Variants in SHISA6 observed in about 807,000 individuals in gnomAD.
SHISA6 encodes the protein protein shisa-6.
Under a neutral mutation model 47.9 loss-of-function variants are expected in SHISA6, and 22 were observed. The ratio of observed to expected loss-of-function variants is 0.46; its 90% CI spans 0.33 to 0.66. SHISA6 has a LOEUF of 0.66. Ranked by LOEUF, SHISA6 falls within the 30% of genes least tolerant of loss-of-function variation. SHISA6 has a pLI of 0.02. For synonymous variants in SHISA6, 388 were observed against 337.8 expected (o/e 1.15, Z -1.63); for missense variants, 680 against 764.6 (o/e 0.89, Z 1.30).
chr17:11,350,749 C>G (rs1334724532), intron 2 of SHISA6, among the ~76,000 whole-genome samples: 1 of 152,132 alleles, frequency 6.6e-6, no homozygotes, highest in African/African-American at 2.4e-5. Context: ...GCCATTCCCT[C>G]ACTCAAAATT....
At chr17:11,358,070 C>G (rs1459235134) in intron 2 of SHISA6, among the ~76,000 whole-genome samples, 3 of 152,150 alleles carry the variant, frequency 2.0e-5, no homozygotes, top group Non-Finnish European at 4.4e-5. Context: ...ACCATTTTAT[C>G]CATTTTTAAG....
intron 2 of SHISA6, among the ~76,000 whole-genome samples, chr17:11,311,298 A>AAAC (rs1555527563): frequency 0.21 from 27,323 of 132,946 alleles, 3,596 homozygotes; most frequent in African/African-American, 0.22. Context: ...AAAAAAAAAA[A>AAAC]AACCGACAAA....
chr17:11,364,683 C>T lies in SHISA6; in HGVS notation c.800-14731C>T, dbSNP rs190402596. ...AAATATTCTTGCACATGTCAATTGA[C>T]GGACATATATTCATTTCTCCTGGGT... On this transcript the variant is annotated intron_variant, in intron 2 of 5. Transcript: ENST00000441885. Among the ~76,000 whole-genome samples the T allele has an allele frequency of 1.4e-4, 21 of 152,232 alleles. 1 individual carries two copies. The highest frequency in any genetic ancestry group is 6.2e-4 in the South Asian group (3 of 4,820).
At chr17:11,281,933 T>C (rs1236329855) in intron 2 of SHISA6, among the ~76,000 whole-genome samples, 2 of 152,250 alleles carry the variant, frequency 1.3e-5, no homozygotes, top group Non-Finnish European at 2.9e-5. Context: ...TTCAGCTGGC[T>C]ATCTTGCGTT....
intron 2 of SHISA6, among the ~76,000 whole-genome samples, chr17:11,356,942 G>A (rs945170020): frequency 4.6e-5 from 7 of 152,044 alleles, no homozygotes; most frequent in African/African-American, 1.7e-4. Context: ...GAAGGCTGAG[G>A]CAGGCGGATC....
chr17:11,245,260 C>A (rs1907530662), intron 1 of SHISA6, among the ~76,000 whole-genome samples: 1 of 152,204 alleles, frequency 6.6e-6, no homozygotes, highest in Non-Finnish European at 1.5e-5. Context: ...GGCCAGAGAG[C>A]CCCAGGGCAG....
At chr17:11,369,056 A>G (rs1912543961) in intron 2 of SHISA6, among the ~76,000 whole-genome samples, 1 of 152,246 alleles carries the variant, frequency 6.6e-6, no homozygotes, top group African/African-American at 2.4e-5. Flanking sequence ...TGGTTCATCC[A>G]GAGCCACACA....
intron 2 of SHISA6, chr17:11,288,942 T>C (rs1396016199): frequency 6.6e-6 from 1 of 152,228 alleles, no homozygotes; most frequent in Non-Finnish European, 1.5e-5. Context: ...CTTTGTGTGG[T>C]TTATTTTTGC....
intron 3 of SHISA6, among the ~76,000 whole-genome samples, chr17:11,466,805 G>GCT (rs906853161): frequency 1.3e-5 from 2 of 152,170 alleles, no homozygotes; most frequent in Non-Finnish European, 2.9e-5. Context: ...CTCCCACGGG[G>GCT]ACCGTTCTCA....
At chr17:11,532,178 C>T (rs1398094237) in intron 3 of SHISA6, among the ~76,000 whole-genome samples, 1 of 152,124 alleles carries the variant, frequency 6.6e-6, no homozygotes, top group Non-Finnish European at 1.5e-5. Context: ...CAGCGCCAGC[C>T]GATGGCTCTG....
chr17:11,402,157 CT>C, intron 3 of SHISA6, among the ~76,000 whole-genome samples: 1 of 152,228 alleles, frequency 6.6e-6, no homozygotes, highest in Non-Finnish European at 1.5e-5. Flanking sequence ...AGCATGGCCC[CT>C]AGCTCCACCA....
intron 4 of SHISA6, among the ~76,000 whole-genome samples, chr17:11,553,860 A>G (rs2071951697): frequency 1.3e-5 from 2 of 152,192 alleles, no homozygotes; most frequent in South Asian, 4.1e-4. Flanking sequence ...AAGAACAGAT[A>G]TTGTCGTTGG....
At chr17:11,354,749 C>A (rs920622784) in intron 2 of SHISA6, among the ~76,000 whole-genome samples, 3 of 152,136 alleles carry the variant, frequency 2.0e-5, no homozygotes, top group African/African-American at 7.2e-5. Flanking sequence ...GTGCCTCCCC[C>A]ACCCCCTATC....
intron 3 of SHISA6, among the ~76,000 whole-genome samples, chr17:11,456,722 CGAA>C (rs1915548622): frequency 1.3e-5 from 2 of 152,162 alleles, no homozygotes; most frequent in African/African-American, 4.8e-5. Flanking sequence ...CCTCTGCACA[CGAA>C]GAACTGCAGG....
chr17:11,502,404 G>A (rs2071461609), intron 3 of SHISA6, among the ~76,000 whole-genome samples: 1 of 69,024 alleles, frequency 1.4e-5, no homozygotes, highest in Admixed American at 2.4e-4. Context: ...GCGAGACTCC[G>A]TCTCAAAAAA....
Position 11,241,439 on chromosome 17 carries a change from T to C in SHISA6, c.17T>C (p.Leu6Pro). The C allele has an allele frequency of 8.4e-7, 1 of 1,189,052 alleles. No homozygotes were observed. Among genetic ancestry groups the C allele is most frequent in the Non-Finnish European group, 1.1e-6 (1 of 944,356 alleles). The allele number at this position is 1,189,052 out of a possible 1,614,324, so 73.7% of individuals were successfully genotyped here. The change falls in exon 1 of 6, where the codon CTC (leucine) becomes CCC (proline). Residue 6 changes from leucine to proline, a missense_variant. Leu to Pro is a moderately conservative substitution (Grantham distance 98). Transcript: ENST00000441885. The surrounding 1 kb of genome is among the most constrained non-coding windows in gnomAD (Gnocchi z 5.5). Reference sequence around the variant, plus strand: ...GGCCCCGCCATGGCGCTGCGGCGCCTCCTGCTGCTGCTGCTGCTCTCGCTG... The same window carrying C: ...GGCCCCGCCATGGCGCTGCGGCGCCCCCTGCTGCTGCTGCTGCTCTCGCTG... MALRRLLLLLLLSLES... is the reference protein window; with the variant it reads MALRRPLLLLLLSLES...
At chr17:11,506,220 TCTTC>T (rs1239903821) in intron 3 of SHISA6, among the ~76,000 whole-genome samples, 1 of 152,186 alleles carries the variant, frequency 6.6e-6, no homozygotes, top group East Asian at 1.9e-4. Context: ...TCTGCACCTT[TCTTC>T]CTTTTATTTT....
At chr17:11,534,582 C>T (rs73286891) in intron 3 of SHISA6, among the ~76,000 whole-genome samples, 1 of 152,070 alleles carries the variant, frequency 6.6e-6, no homozygotes, top group Non-Finnish European at 1.5e-5. Context: ...AAGTGGTAAG[C>T]ACCCCCAAGA....
chr17:11,558,335 T>C lies in SHISA6; in HGVS notation c.*31T>C. ...GGGGCAGGGCCGGGGCTGCTGGGCG[T>C]GGCAGAGCAGAGCGGGGGCCGGGAG... On this transcript the variant is annotated 3_prime_UTR_variant, in exon 6 of 6. Transcript: ENST00000441885. The C allele has an allele frequency of 6.5e-7, 1 of 1,528,556 alleles. No homozygotes were observed. 94.7% of individuals were successfully genotyped at this position (1,528,556 alleles called of 1,614,324 possible).
Sources: allele counts gnomAD v4.1 joint callset (sites outside exome capture counted in the v4.1 genomes callset), GRCh38; gene constraint gnomAD v4.1.1; non-coding constraint Gnocchi (gnomAD v3.1); transcripts MANE v1.5; gene names NCBI Gene and HGNC (gene_info 2026-07-23, HGNC 2026-07-21).